Variants in LRRC8D observed in about 807,000 individuals in gnomAD.
LRRC8D encodes the protein leucine rich repeat containing 8 VRAC subunit D.
In LRRC8D, 20 loss-of-function variants were observed where a neutral mutation model predicts 55.8. The observed-to-expected ratio is 0.36, with a 90% CI of 0.25 to 0.52. The LOEUF (loss-of-function observed/expected upper bound fraction) is 0.52, where lower values mean the gene tolerates loss of function less well. Among genes scored for constraint, LRRC8D ranks in the 20% least tolerant of loss-of-function variants. The probability of loss-of-function intolerance (pLI) is 0.93; values close to 1 mark genes in which losing one functional copy is unlikely to be tolerated. For missense variants in LRRC8D, 651 were observed against 1,030.8 expected (o/e 0.63, Z 5.05); for synonymous variants, 352 against 377.0 (o/e 0.93, Z 0.77).
At chr1:89,914,391 C>T (rs953080816) in intron 2 of LRRC8D, among the ~76,000 whole-genome samples, 1 of 152,178 alleles carries the variant, frequency 6.6e-6, no homozygotes, top group Admixed American at 6.5e-5. Flanking sequence ...CTTGGCCAGC[C>T]CAGAAAGGGG....
chr1:89,863,226 T>C (rs1423817471), intron 2 of LRRC8D, among the ~76,000 whole-genome samples: 1 of 152,192 alleles, frequency 6.6e-6, no homozygotes, highest in Non-Finnish European at 1.5e-5. Flanking sequence ...TGGGCTCTTA[T>C]TTGTGAAGCA....
intron 2 of LRRC8D, among the ~76,000 whole-genome samples, chr1:89,854,130 A>G (rs1661491310): frequency 6.6e-6 from 1 of 152,154 alleles, no homozygotes; most frequent in Admixed American, 6.6e-5. Context: ...CGAGGAAGAG[A>G]TATGTGTGGC....
chr1:89,862,128 AAGG>A (rs1661733750), intron 2 of LRRC8D, among the ~76,000 whole-genome samples: 1 of 152,226 alleles, frequency 6.6e-6, no homozygotes, highest in South Asian at 2.1e-4. Flanking sequence ...TTAAAGCTAG[AAGG>A]AGGCTTTCAG....
Position 89,868,788 on chromosome 1 carries a change from C to G in LRRC8D, c.-3+25006C>G, listed in dbSNP as rs368619444. On this transcript the variant is annotated intron_variant, in intron 2 of 2. Coordinates refer to ENST00000337338, the MANE Select transcript of LRRC8D (RefSeq NM_001134479.2). ...GGATTCTAGGCTTCTGGTCAGTGCT[C>G]TCAACCACTGAACACAAAAATGTCT... is the stretch of plus-strand genomic sequence containing the variant. 5.9e-5 allele frequency among the ~76,000 whole-genome samples: 9 copies of G among 152,332 alleles called. No homozygotes were observed. The East Asian group carries it at 1.7e-3, about 29-fold the overall frequency.
chr1:89,838,250 C>T (rs927607428), intron 1 of LRRC8D, among the ~76,000 whole-genome samples: 2 of 151,344 alleles, frequency 1.3e-5, no homozygotes, highest in African/African-American at 2.4e-5. Context: ...TGGCGAGCTC[C>T]TGTAGTCCCA....
intron 2 of LRRC8D, among the ~76,000 whole-genome samples, chr1:89,913,638 C>G (rs1663185796): frequency 6.6e-6 from 1 of 152,214 alleles, no homozygotes. Context: ...GGAATTCTCT[C>G]TACACTTTTT....
intron 2 of LRRC8D, among the ~76,000 whole-genome samples, chr1:89,895,088 C>G (rs924939717): frequency 4.0e-5 from 6 of 151,036 alleles, no homozygotes; most frequent in African/African-American, 1.5e-4. Context: ...CCTGTACTTG[C>G]TTGTCTGAGG....
In LRRC8D at chr1:89,845,175, C is replaced by T. The variant is rs137920302; in HGVS notation, c.-3+1393C>T. Among the ~76,000 whole-genome samples the T allele has an allele frequency of 7.9e-5, 12 of 152,242 alleles. No homozygotes were observed. In the East Asian group the frequency reaches 2.3e-3, roughly 29 times the overall value. On this transcript the variant is annotated intron_variant, in intron 2 of 2. Transcript: ENST00000337338. ...AGCATTCTGATGCTGAAAATTTTAT[C>T]ATAAAACATATTTACTACATAATTA...
At chr1:89,888,976 GAA>G (rs1481892857) in intron 2 of LRRC8D, among the ~76,000 whole-genome samples, 4 of 152,188 alleles carry the variant, frequency 2.6e-5, no homozygotes, top group Non-Finnish European at 5.9e-5. Context: ...CACTCTCAAA[GAA>G]GTGGGTTATA....
chr1:89,835,358 A>G (rs1459836391), intron 1 of LRRC8D, among the ~76,000 whole-genome samples: 4 of 152,172 alleles, frequency 2.6e-5, no homozygotes, highest in Non-Finnish European at 2.9e-5. Flanking sequence ...ACTTTGTGGA[A>G]GTTCTGTCTG....
chr1:89,932,429 C>G (rs1431360859), intron 2 of LRRC8D, among the ~76,000 whole-genome samples: 1 of 152,206 alleles, frequency 6.6e-6, no homozygotes, highest in Non-Finnish European at 1.5e-5. Flanking sequence ...TTCAACTGTT[C>G]ATGGACACTT....
chr1:89,909,961 A>G (rs1486333939), intron 2 of LRRC8D, among the ~76,000 whole-genome samples: 1 of 151,838 alleles, frequency 6.6e-6, no homozygotes, highest in African/African-American at 2.4e-5. Context: ...CCCTCCTTTC[A>G]TGTTCTTAAA....
chr1:89,849,814 T>C (rs1482706717), intron 2 of LRRC8D, among the ~76,000 whole-genome samples: 2 of 152,172 alleles, frequency 1.3e-5, no homozygotes, highest in Non-Finnish European at 2.9e-5. Context: ...GTAACTTTCT[T>C]CTAGTGTGTC....
chr1:89,871,623 T>G (rs1662009529), intron 2 of LRRC8D, among the ~76,000 whole-genome samples: 1 of 152,246 alleles, frequency 6.6e-6, no homozygotes, highest in South Asian at 2.1e-4. Flanking sequence ...CTCTTGTTTC[T>G]TTCTACTGTT....
At chr1:89,918,268 T>G (rs1663323370) in intron 2 of LRRC8D, among the ~76,000 whole-genome samples, 1 of 152,228 alleles carries the variant, frequency 6.6e-6, no homozygotes, top group Admixed American at 6.5e-5. Flanking sequence ...ATAAAGCACC[T>G]TATTCCACAC....
chr1:89,843,609 C>G, intron 1 of LRRC8D, 29 bp from the exon 2 acceptor site: 1 of 700,956 alleles, frequency 1.4e-6, no homozygotes, highest in South Asian at 1.5e-5. Flanking sequence ...ATCTCTCTAG[C>G]TCTTTCTCTC....
intron 2 of LRRC8D, among the ~76,000 whole-genome samples, chr1:89,857,127 T>C (rs577813814): frequency 9.4e-4 from 143 of 152,240 alleles, no homozygotes; most frequent in African/African-American, 3.3e-3. Flanking sequence ...CTCATGCCTG[T>C]AATCTCAGCA....
chr1:89,889,841 C>A (rs765069950), intron 2 of LRRC8D, among the ~76,000 whole-genome samples: 1 of 149,832 alleles, frequency 6.7e-6, no homozygotes, highest in Non-Finnish European at 1.5e-5. Context: ...CGAGATTGTG[C>A]TCCTGCACTT....
chr1:89,926,015 G>C (rs113936688), intron 2 of LRRC8D, among the ~76,000 whole-genome samples: 1 of 152,182 alleles, frequency 6.6e-6, no homozygotes, highest in Non-Finnish European at 1.5e-5. Context: ...TTTCTCTAAC[G>C]CATCATTTAT....
Sources: allele counts gnomAD v4.1 joint callset (sites outside exome capture counted in the v4.1 genomes callset), GRCh38; gene constraint gnomAD v4.1.1; transcripts MANE v1.5; gene names NCBI Gene and HGNC (gene_info 2026-07-23, HGNC 2026-07-21).